Variants in PRKN observed in about 807,000 individuals in gnomAD.
The protein encoded by PRKN is E3 ubiquitin-protein ligase parkin.
Under a neutral mutation model 59.5 loss-of-function variants are expected in PRKN, and 56 were observed. That is an observed-to-expected ratio of 0.94 (90% CI 0.76 to 1.18). PRKN has a LOEUF of 1.18. Among genes scored for constraint, PRKN ranks in the 50% most tolerant of loss-of-function variants. The pLI, the probability that PRKN is intolerant of heterozygous loss-of-function variation, is 0.00. For missense variants in PRKN, 657 were observed against 596.4 expected, an observed-to-expected ratio of 1.10 and a Z score of -1.06; for synonymous variants, 250 against 222.1, an observed-to-expected ratio of 1.13 and a Z score of -1.12.
chr6:162,014,322 C>T (rs145574153), intron 5 of PRKN, among the ~76,000 whole-genome samples: 3 of 152,280 alleles, frequency 2.0e-5, no homozygotes, highest in African/African-American at 7.2e-5. Flanking sequence ...TCAGAGCCCC[C>T]GGCCAGTCAG....
Position 161,395,074 on chromosome 6 carries a change from T to C in PRKN, c.1084-8197A>G, listed in dbSNP as rs762371976. Among the ~76,000 whole-genome samples the C allele has an allele frequency of 5.9e-5, 9 of 152,228 alleles. No individual in the cohort carries two copies. The highest frequency in any genetic ancestry group is 1.4e-4 in the African/African-American group (6 of 41,446). ...TAGCACAGATTCAAAAGGTACATTG[T>C]GAAAAATGTCTCCTTTCCTCCTTGG... On this transcript the variant is annotated intron_variant, in intron 9 of 11. Coordinates refer to ENST00000366898, the MANE Select transcript of PRKN (RefSeq NM_004562.3). This position sits in a 1 kb window ranked among gnomAD's most constrained non-coding sequence, Gnocchi z 5.0.
intron 3 of PRKN, among the ~76,000 whole-genome samples, chr6:162,224,044 T>C (rs1016356449): frequency 6.6e-6 from 1 of 152,096 alleles, no homozygotes; most frequent in African/African-American, 2.4e-5. Flanking sequence ...CAATAAGCTT[T>C]GAGTCGATGG....
intron 7 of PRKN, among the ~76,000 whole-genome samples, chr6:161,604,826 G>T (rs1026385380): frequency 6.6e-6 from 1 of 152,082 alleles, no homozygotes. Context: ...TTCCAGCTAC[G>T]CAGGAGGCTG....
At chr6:161,627,417 CA>C (rs1479502457) in intron 7 of PRKN, among the ~76,000 whole-genome samples, 3 of 152,200 alleles carry the variant, frequency 2.0e-5, no homozygotes, top group Admixed American at 6.5e-5. Context: ...ATGTGATGTA[CA>C]GCCTTGGACT....
At chr6:162,021,544 C>T (rs9364635) in intron 5 of PRKN, among the ~76,000 whole-genome samples, 38,779 of 149,316 alleles carry the variant, frequency 0.26, 5,826 homozygotes, top group East Asian at 0.54. Context: ...TCCCTTCCTC[C>T]GTGACTAAAA....
chr6:161,862,336 C>T (rs1428832059), intron 6 of PRKN, among the ~76,000 whole-genome samples: 1 of 152,100 alleles, frequency 6.6e-6, no homozygotes, highest in Non-Finnish European at 1.5e-5. Context: ...TAGGAAATTC[C>T]CTAAATTGTT....
intron 4 of PRKN, among the ~76,000 whole-genome samples, chr6:162,184,012 A>G (rs1783915383): frequency 6.6e-6 from 1 of 152,226 alleles, no homozygotes; most frequent in African/African-American, 2.4e-5. Flanking sequence ...GCAACTGCCC[A>G]GTGAGTCCTT....
At chr6:162,228,639 T>C (rs145190529) in intron 3 of PRKN, among the ~76,000 whole-genome samples, 252 of 152,324 alleles carry the variant, frequency 1.7e-3, no homozygotes, top group Middle Eastern at 3.4e-3. Flanking sequence ...TGTGAGCTGA[T>C]TGAAGTTATA....
chr6:162,365,953 A>T (rs1785415872), intron 2 of PRKN, among the ~76,000 whole-genome samples: 1 of 152,132 alleles, frequency 6.6e-6, no homozygotes, highest in Admixed American at 6.6e-5. Context: ...TTCAACTTGG[A>T]TTGTAGCACA....
intron 6 of PRKN, among the ~76,000 whole-genome samples, chr6:161,857,536 C>G (rs1793704841): frequency 6.6e-6 from 1 of 152,090 alleles, no homozygotes; most frequent in South Asian, 2.1e-4. Flanking sequence ...TTTAAATGGC[C>G]CACATTTTCA....
intron 2 of PRKN, among the ~76,000 whole-genome samples, chr6:162,347,068 C>A (rs956554050): frequency 1.3e-5 from 2 of 149,764 alleles, no homozygotes; most frequent in Non-Finnish European, 3.0e-5. Flanking sequence ...TATCTATTTT[C>A]TTTGCTTTTT....
chr6:161,415,868 C>T (rs1243721236), intron 9 of PRKN, among the ~76,000 whole-genome samples: 6 of 151,992 alleles, frequency 3.9e-5, no homozygotes, highest in Admixed American at 2.6e-4. Context: ...CCTGGAGCTG[C>T]ATTGCTCTCT....
chr6:161,516,575 C>T (rs1307946332), intron 9 of PRKN, among the ~76,000 whole-genome samples: 1 of 149,064 alleles, frequency 6.7e-6, no homozygotes, highest in Non-Finnish European at 1.5e-5. Flanking sequence ...CGCCTGCAAT[C>T]TCAACACTTT....
intron 9 of PRKN, among the ~76,000 whole-genome samples, chr6:161,528,287 A>G (rs1232212928): frequency 6.6e-6 from 1 of 152,192 alleles, no homozygotes; most frequent in African/African-American, 2.4e-5. Flanking sequence ...TGTTAAAGAA[A>G]CAGAGTCTTC....
intron 5 of PRKN, among the ~76,000 whole-genome samples, chr6:161,978,629 A>G (rs1308555986): frequency 6.6e-6 from 1 of 152,272 alleles, no homozygotes; most frequent in Admixed American, 6.5e-5. Flanking sequence ...AGTCAAAGAC[A>G]GGAAAGCTTT....
chr6:162,634,126 T>C (rs1777620474), intron 1 of PRKN, among the ~76,000 whole-genome samples: 1 of 152,140 alleles, frequency 6.6e-6, no homozygotes, highest in Non-Finnish European at 1.5e-5. Context: ...AGCCTGTGCA[T>C]TCACCTCTCC....
intron 6 of PRKN, among the ~76,000 whole-genome samples, chr6:161,917,366 A>G (rs894987608): frequency 1.3e-5 from 2 of 152,136 alleles, no homozygotes; most frequent in Non-Finnish European, 2.9e-5. Context: ...TCGTCATCCC[A>G]AAGTGTTGGG....
At chr6:162,427,108 G>T (rs1789273042) in intron 2 of PRKN, among the ~76,000 whole-genome samples, 1 of 152,184 alleles carries the variant, frequency 6.6e-6, no homozygotes, top group Non-Finnish European at 1.5e-5. Context: ...ATGCTTAATT[G>T]AGAAGTAATT....
At chr6:161,655,030 G>A (rs1313401350) in intron 7 of PRKN, among the ~76,000 whole-genome samples, 1 of 152,232 alleles carries the variant, frequency 6.6e-6, no homozygotes, top group Non-Finnish European at 1.5e-5. Flanking sequence ...GTGTCAGCAT[G>A]GGCCCAGTCC....
Sources: allele counts gnomAD v4.1 joint callset (sites outside exome capture counted in the v4.1 genomes callset), GRCh38; gene constraint gnomAD v4.1.1; non-coding constraint Gnocchi (gnomAD v3.1); transcripts MANE v1.5; gene names NCBI Gene and HGNC (gene_info 2026-07-23, HGNC 2026-07-21).